Variants in COL24A1 observed in about 807,000 individuals in gnomAD.
COL24A1 encodes the protein collagen type XXIV alpha 1 chain.
A neutral mutation model predicts 253.9 loss-of-function variants in COL24A1; 224 were observed. That is an observed-to-expected ratio of 0.88 (90% CI 0.79 to 0.99). The LOEUF is 0.99. Ranked by LOEUF, COL24A1 falls within the 50% of genes least tolerant of loss-of-function variation. COL24A1 has a pLI of 0.00. For missense variants in COL24A1, 2,131 were observed against 2,068.5 expected (o/e 1.03, Z -0.59); for synonymous variants, 685 against 673.7 (o/e 1.02, Z -0.26).
intron 31 of COL24A1, among the ~76,000 whole-genome samples, chr1:85,893,662 T>A (rs998318257): frequency 9.2e-5 from 14 of 152,160 alleles, no homozygotes; most frequent in South Asian, 6.2e-4. Context: ...CACGGACAAA[T>A]ATACTTTTAC....
At chr1:85,775,009 G>GTGCTATAAATTTCCCTCTATACAC (rs1668383286) in intron 53 of COL24A1, among the ~76,000 whole-genome samples, 1 of 152,152 alleles carries the variant, frequency 6.6e-6, no homozygotes, top group Non-Finnish European at 1.5e-5. Flanking sequence ...TGGGCATTTA[G>GTGCTATAAATTTCCCTCTATACAC]TGCTATAAAT....
intron 54 of COL24A1, 33 bp downstream of exon 54, chr1:85,761,498 A>G (rs1297692085): frequency 1.2e-6 from 2 of 1,614,006 alleles, no homozygotes; most frequent in East Asian, 2.2e-5. Flanking sequence ...ATAAGCATCA[A>G]TGGTAAACAG....
intron 55 of COL24A1, among the ~76,000 whole-genome samples, chr1:85,747,023 AG>A (rs1665293635): frequency 6.6e-6 from 1 of 152,026 alleles, no homozygotes; most frequent in African/African-American, 2.4e-5. Flanking sequence ...CTTCAGAATC[AG>A]AATCCTTTTG....
intron 41 of COL24A1, 73 bp downstream of exon 41, chr1:85,841,995 A>C: frequency 1.5e-6 from 2 of 1,321,508 alleles, no homozygotes; most frequent in Non-Finnish European, 2.1e-6. Context: ...AAATTTTTCC[A>C]TGCAGTCTTT....
At chr1:85,911,970 A>G (rs553854212) in intron 24 of COL24A1, among the ~76,000 whole-genome samples, 18 of 152,318 alleles carry the variant, frequency 1.2e-4, no homozygotes, top group African/African-American at 3.1e-4. Context: ...AAAAAGTCTC[A>G]TAACAGGGAG....
At chr1:86,155,319 C>A (rs1237261468) in intron 1 of COL24A1, 1 of 152,682 alleles carries the variant, frequency 6.5e-6, no homozygotes, top group Admixed American at 6.5e-5. Context: ...GGCGCTCTTT[C>A]TCCGCACCCT....
intron 38 of COL24A1, among the ~76,000 whole-genome samples, chr1:85,848,275 C>T (rs1007473796): frequency 6.6e-6 from 1 of 152,034 alleles, no homozygotes; most frequent in East Asian, 1.9e-4. Flanking sequence ...AACTAATTAT[C>T]TTCTGTTTTC....
intron 37 of COL24A1, among the ~76,000 whole-genome samples, chr1:85,866,603 G>A (rs948799817): frequency 6.6e-5 from 10 of 151,636 alleles, no homozygotes; most frequent in East Asian, 1.9e-4. Flanking sequence ...GTAAAACCCC[G>A]TCTCTACTAA....
intron 20 of COL24A1, among the ~76,000 whole-genome samples, chr1:85,975,294 A>G (rs1309096319): frequency 6.6e-6 from 1 of 152,214 alleles, no homozygotes; most frequent in East Asian, 1.9e-4. Context: ...TCAGTATATC[A>G]GAGAGATAAT....
At chr1:85,779,581 AATGT>A (rs1668945114) in intron 52 of COL24A1, among the ~76,000 whole-genome samples, 3 of 152,236 alleles carry the variant, frequency 2.0e-5, no homozygotes, top group Non-Finnish European at 2.9e-5. Context: ...GCTTTCCTAT[AATGT>A]GATACAAATT....
intron 35 of COL24A1, among the ~76,000 whole-genome samples, chr1:85,872,373 G>A (rs978430345): frequency 1.3e-5 from 2 of 152,152 alleles, no homozygotes; most frequent in African/African-American, 2.4e-5. Flanking sequence ...ACAAAAAAGA[G>A]CCTGCATTAC....
chr1:85,965,670 A>T (rs1691494360), intron 22 of COL24A1, among the ~76,000 whole-genome samples: 1 of 152,048 alleles, frequency 6.6e-6, no homozygotes, highest in South Asian at 2.1e-4. Flanking sequence ...TTCCCCAGAG[A>T]GTGCCATTTC....
intron 37 of COL24A1, among the ~76,000 whole-genome samples, chr1:85,856,256 T>G (rs1678429961): frequency 6.6e-6 from 1 of 152,212 alleles, no homozygotes; most frequent in African/African-American, 2.4e-5. Context: ...CTCCTGTTTT[T>G]CTAGTTCCTC....
chr1:86,102,768 T>C (rs1704580306), intron 5 of COL24A1, among the ~76,000 whole-genome samples: 1 of 152,226 alleles, frequency 6.6e-6, no homozygotes, highest in South Asian at 2.1e-4. Flanking sequence ...TTCAATTCTT[T>C]TGCATTTGCT....
At chr1:86,102,681 G>C (rs1302926180) in intron 5 of COL24A1, among the ~76,000 whole-genome samples, 1 of 152,130 alleles carries the variant, frequency 6.6e-6, no homozygotes, top group Non-Finnish European at 1.5e-5. Context: ...CAATGTAATT[G>C]TATGGTTTTG....
In COL24A1 at chr1:86,007,213, AAAACAAACAAAC is replaced by A. The variant is rs138113987; in HGVS notation, c.2310+9926_2310+9937del. Among the ~76,000 whole-genome samples the A allele has an allele frequency of 8.5e-3, 1,285 of 151,510 alleles. 22 individuals are homozygous for A. Among genetic ancestry groups the A allele is most frequent in the African/African-American group, 0.029 (1,203 of 41,076 alleles). On this transcript the variant is annotated intron_variant, in intron 19 of 59. Coordinates refer to ENST00000370571, the MANE Select transcript of COL24A1 (RefSeq NM_152890.7). ...CTGAGTGACATAGTGAAACTGTCTC[AAAACAAACAAAC>A]AAACAAACAAACCCACCACCACCAC...
At chr1:85,923,817 T>C (rs993195873) in intron 24 of COL24A1, among the ~76,000 whole-genome samples, 24 of 151,858 alleles carry the variant, frequency 1.6e-4, no homozygotes, top group African/African-American at 5.3e-4. Context: ...ACATAACTAA[T>C]ATCAGAGCAG....
intron 19 of COL24A1, among the ~76,000 whole-genome samples, chr1:85,997,452 A>G (rs1694937471): frequency 6.6e-6 from 1 of 152,122 alleles, no homozygotes; most frequent in African/African-American, 2.4e-5. Flanking sequence ...CTTGCAAATT[A>G]CAGTATTCCT....
At chr1:86,076,816 T>A (rs1702286616) in intron 7 of COL24A1, among the ~76,000 whole-genome samples, 1 of 152,284 alleles carries the variant, frequency 6.6e-6, no homozygotes, top group South Asian at 2.1e-4. Flanking sequence ...CCAGACCCCT[T>A]CCTTACACCT....
Sources: allele counts gnomAD v4.1 joint callset (sites outside exome capture counted in the v4.1 genomes callset), GRCh38; gene constraint gnomAD v4.1.1; transcripts MANE v1.5; gene names NCBI Gene and HGNC (gene_info 2026-07-23, HGNC 2026-07-21).